Variants in DENND1A observed in about 807,000 individuals in gnomAD.
The protein encoded by DENND1A is DENN domain-containing protein 1A.
A neutral mutation model predicts 113.7 loss-of-function variants in DENND1A; 51 were observed. The observed-to-expected ratio is 0.45, with a 90% CI of 0.36 to 0.57. The LOEUF (loss-of-function observed/expected upper bound fraction) is 0.57, where lower values mean the gene tolerates loss of function less well. Among genes scored for constraint, DENND1A ranks in the 20% least tolerant of loss-of-function variants. DENND1A has a pLI of 0.00. For synonymous variants in DENND1A, 565 were observed against 570.8 expected (o/e 0.99, Z 0.14); for missense variants, 1,258 against 1,395.9 (o/e 0.90, Z 1.57).
At chr9:123,538,809 C>CATATATATATAT (rs35223887) in intron 13 of DENND1A, among the ~76,000 whole-genome samples, 5 of 22,468 alleles carry the variant, frequency 2.2e-4, no homozygotes, top group Admixed American at 5.5e-4. Flanking sequence ...ACAACTCATA[C>CATATATATATAT]ATATATATAT....
intron 5 of DENND1A, chr9:123,751,416 C>T (rs1291700837): frequency 6.6e-6 from 1 of 152,194 alleles, no homozygotes; most frequent in East Asian, 1.9e-4. Context: ...AAAAAACCCC[C>T]TGCAGTTGAG....
At chr9:123,774,353 C>T (rs1248544088) in intron 3 of DENND1A, among the ~76,000 whole-genome samples, 3 of 152,082 alleles carry the variant, frequency 2.0e-5, no homozygotes, top group Non-Finnish European at 4.4e-5. Flanking sequence ...CCAGGGGCTT[C>T]CAGTGAAAGC....
intron 2 of DENND1A, among the ~76,000 whole-genome samples, chr9:123,808,457 T>C (rs1308451677): frequency 6.6e-6 from 1 of 151,630 alleles, no homozygotes; most frequent in Non-Finnish European, 1.5e-5. Context: ...CACAGTTCAC[T>C]GCAGCCTCAA....
At chr9:123,406,090 T>C (rs1231234514) in intron 20 of DENND1A, among the ~76,000 whole-genome samples, 1 of 152,074 alleles carries the variant, frequency 6.6e-6, no homozygotes, top group Non-Finnish European at 1.5e-5. Context: ...CCCCAGAAGC[T>C]TGTGGGTGAC....
intron 1 of DENND1A, among the ~76,000 whole-genome samples, chr9:123,911,186 T>A (rs1853884163): frequency 6.6e-6 from 1 of 152,074 alleles, no homozygotes. Flanking sequence ...ACATGAGTAA[T>A]CAGTCATCAG....
intron 5 of DENND1A, among the ~76,000 whole-genome samples, chr9:123,716,922 A>G (rs186829550): frequency 6.6e-6 from 1 of 152,354 alleles, no homozygotes; most frequent in East Asian, 1.9e-4. Flanking sequence ...CTATAACCAC[A>G]TGAACCGTTA....
intron 13 of DENND1A, among the ~76,000 whole-genome samples, chr9:123,538,805 CATACATATAT>C (rs1181536720): frequency 0.023 from 1,168 of 50,042 alleles, 157 homozygotes; most frequent in African/African-American, 0.056. Context: ...GGTGACAACT[CATACATATAT>C]ATATATATAT....
At chr9:123,487,276 T>C (rs1588787551) in intron 13 of DENND1A, among the ~76,000 whole-genome samples, 1 of 152,174 alleles carries the variant, frequency 6.6e-6, no homozygotes, top group African/African-American at 2.4e-5. Flanking sequence ...TTCGTTTAAG[T>C]TGGGCTTCTA....
At chr9:123,426,865 A>G (rs1191091547) in intron 19 of DENND1A, among the ~76,000 whole-genome samples, 2 of 152,208 alleles carry the variant, frequency 1.3e-5, no homozygotes, top group African/African-American at 2.4e-5. Context: ...ACAGCCTGGA[A>G]CAGCCACTGT....
At chr9:123,648,631 T>G (rs894794634) in intron 9 of DENND1A, among the ~76,000 whole-genome samples, 2 of 152,238 alleles carry the variant, frequency 1.3e-5, no homozygotes, top group African/African-American at 4.8e-5. Context: ...TATCTTTTAA[T>G]GAATAAAAGT....
chr9:123,546,307 G>GTC (rs2056676466), intron 13 of DENND1A, among the ~76,000 whole-genome samples: 1 of 152,128 alleles, frequency 6.6e-6, no homozygotes, highest in African/African-American at 2.4e-5. Context: ...CCAGCACTTT[G>GTC]GGAGGCCAAG....
At chr9:123,640,773 T>C (rs1346440035) in intron 9 of DENND1A, among the ~76,000 whole-genome samples, 1 of 152,158 alleles carries the variant, frequency 6.6e-6, no homozygotes, top group Non-Finnish European at 1.5e-5. Context: ...ACTATCCCCA[T>C]TTTCACAGAA....
chr9:123,784,277 A>G (rs1381050050), intron 3 of DENND1A, among the ~76,000 whole-genome samples: 2 of 152,178 alleles, frequency 1.3e-5, no homozygotes, highest in South Asian at 4.1e-4. Flanking sequence ...TTTTGACTAA[A>G]GAGAAGTTAT....
intron 8 of DENND1A, among the ~76,000 whole-genome samples, chr9:123,663,426 T>C (rs2063342826): frequency 6.6e-6 from 1 of 152,246 alleles, no homozygotes; most frequent in Admixed American, 6.5e-5. Context: ...ATTATAGTTT[T>C]CGTTCACCGC....
chr9:123,853,951 C>T (rs1016245787), intron 2 of DENND1A, among the ~76,000 whole-genome samples: 4 of 151,924 alleles, frequency 2.6e-5, no homozygotes, highest in African/African-American at 9.7e-5. Flanking sequence ...AAGATATTTT[C>T]ATGGGAAAAA....
intron 12 of DENND1A, among the ~76,000 whole-genome samples, 156 bp from the exon 13 acceptor site, chr9:123,557,851 G>GT (rs942845566): frequency 2.6e-4 from 39 of 152,136 alleles, no homozygotes; most frequent in African/African-American, 8.9e-4. Context: ...TTCAGGCTGG[G>GT]TGCAGTGGCA....
intron 5 of DENND1A, among the ~76,000 whole-genome samples, chr9:123,749,101 T>C (rs2069781272): frequency 6.6e-6 from 1 of 152,158 alleles, no homozygotes; most frequent in Admixed American, 6.5e-5. Flanking sequence ...TTCTCCTGAG[T>C]TGGAAGAATC....
chr9:123,718,854 C>T (rs957889136), intron 5 of DENND1A, among the ~76,000 whole-genome samples: 1 of 152,200 alleles, frequency 6.6e-6, no homozygotes, highest in African/African-American at 2.4e-5. Context: ...TATGGTTTGG[C>T]TGTGTCCTCA....
At chr9:123,728,997 C>G (rs148835600) in intron 5 of DENND1A, among the ~76,000 whole-genome samples, 2,371 of 152,270 alleles carry the variant, frequency 0.016, 67 homozygotes, top group African/African-American at 0.055. Context: ...ATCACATAAA[C>G]AGAACCAATG....
Sources: allele counts gnomAD v4.1 joint callset (sites outside exome capture counted in the v4.1 genomes callset), GRCh38; gene constraint gnomAD v4.1.1; transcripts MANE v1.5; gene names NCBI Gene and HGNC (gene_info 2026-07-23, HGNC 2026-07-21).